The following COL5A3 variants were observed in gnomAD, a reference collection of about 807,000 sequenced individuals.
The protein encoded by COL5A3 is collagen alpha-3(V) chain.
COL5A3 carries 172 observed loss-of-function variants against 250.0 expected under a neutral mutation model. The ratio of observed to expected loss-of-function variants is 0.69; its 90% CI spans 0.61 to 0.78. The LOEUF is 0.78. COL5A3 is among the 30% of genes least tolerant of loss of function. The probability of loss-of-function intolerance (pLI) is 0.00; values close to 1 mark genes in which losing one functional copy is unlikely to be tolerated. For missense variants in COL5A3, 2,340 were observed against 2,334.4 expected (o/e 1.00, Z -0.05); for synonymous variants, 937 against 900.4 (o/e 1.04, Z -0.73).
intron 24 of COL5A3, 89 bp downstream of exon 24, chr19:9,991,521 C>CA: frequency 1.8e-6 from 2 of 1,099,228 alleles, no homozygotes; most frequent in South Asian, 3.0e-5. Context: ...CCAGAGCTAA[C>CA]AGAGGGGTCT....
intron 53 of COL5A3, 119 bp downstream of exon 53, chr19:9,970,856 G>T: frequency 1.8e-6 from 2 of 1,101,164 alleles, no homozygotes; most frequent in Non-Finnish European, 2.5e-6. Context: ...GAGGTGAAGC[G>T]GGAGCATCTG....
Position 9,973,041 on chromosome 19 carries a change from G to A in COL5A3, c.3667-15C>T. The A allele has an allele frequency of 6.3e-7, 1 of 1,587,872 alleles. No homozygotes were observed. On this transcript the variant is annotated splice_polypyrimidine_tract_variant and intron_variant, in intron 50 of 66. Coordinates refer to ENST00000264828, the MANE Select transcript of COL5A3 (RefSeq NM_015719.4). ...CCCTTGGGCCCCTTTACAGAAAGAG[G>A]TCAGAGGTCAGAGTGGCCTGGACTC...
chr19:9,993,651 G>A lies in COL5A3; in HGVS notation c.1663C>T (p.Leu555Phe), dbSNP rs1402384114. ...GPKGDRGFDG[L>F]PGLPGEKGQR... ...CCCTTCTCACCAGGCAGCCCAGGGA[G>A]GCCATCGAAGCCACGATCACCCTGT... The change falls in exon 18 of 67, where the codon CTC (leucine) becomes TTC (phenylalanine). Residue 555 changes from leucine (L) to phenylalanine (F), a missense_variant. Physicochemically the swap from Leu to Phe is conservative, Grantham distance 22. Coordinates refer to ENST00000264828, the MANE Select transcript of COL5A3 (RefSeq NM_015719.4). The A allele has an allele frequency of 1.9e-6, 3 of 1,613,990 alleles. No homozygotes were observed. The highest frequency in any genetic ancestry group is 2.7e-5 in the African/African-American group (2 of 74,884).
chr19:9,986,034 T>G, intron 30 of COL5A3, 139 bp from the exon 31 acceptor site: 2 of 771,780 alleles, frequency 2.6e-6, no homozygotes, highest in African/African-American at 1.7e-5. Context: ...TGCTCCTGCC[T>G]GCTAGGGGCA....
In COL5A3 at chr19:9,972,899, C is replaced by CT; in HGVS notation, c.3774+19_3774+20insA. The CT allele has an allele frequency of 6.4e-7, 1 of 1,550,408 alleles. No individual in the cohort carries two copies. Among genetic ancestry groups the CT allele is most frequent in the South Asian group, 1.2e-5 (1 of 83,188 alleles). On this transcript the variant is annotated intron_variant, in intron 51 of 66. Transcript: ENST00000264828. ...AAGTGCCCCCTCCCATGTCTGCCCC[C>CT]ACTTCCCCCCAGGACTCACCACGCT...
chr19:9,998,080 C>T (rs776892764), intron 9 of COL5A3, 22 bp downstream of exon 9: 1 of 1,614,024 alleles, frequency 6.2e-7, no homozygotes, highest in Admixed American at 1.7e-5. Flanking sequence ...CTCTCAACCC[C>T]CTCACAATCC....
At chr19:9,985,523 G>A (rs575372929) in intron 31 of COL5A3, among the ~76,000 whole-genome samples, 1 of 152,080 alleles carries the variant, frequency 6.6e-6, no homozygotes, top group East Asian at 1.9e-4. Context: ...GCCGCCCAAA[G>A]TGTTGGGATT....
Position 9,993,889 on chromosome 19 carries a change from A to C in COL5A3, c.1588-83T>G. 4.7e-6 allele frequency: 6 copies of C among 1,277,232 alleles called. No individual in the cohort carries two copies. The South Asian group carries it at 5.1e-5, about 11-fold the overall frequency. 79.1% of individuals were successfully genotyped at this position (1,277,232 alleles called of 1,614,324 possible). A position where few individuals can be genotyped will look rare whatever the true frequency, so the allele number is the denominator to read the frequency against. Reference sequence around the variant, plus strand: ...AATTAGGAACCCAACTTCATCATCAACATCAAGATTTTTTTTTTGACAGGG... The same window carrying C: ...AATTAGGAACCCAACTTCATCATCACCATCAAGATTTTTTTTTTGACAGGG... On this transcript the variant is annotated intron_variant, in intron 16 of 66. Coordinates refer to ENST00000264828, the MANE Select transcript of COL5A3 (RefSeq NM_015719.4).
chr19:9,982,857 GTTTGT>G (rs1259852901), intron 31 of COL5A3, among the ~76,000 whole-genome samples: 4 of 151,886 alleles, frequency 2.6e-5, no homozygotes, highest in African/African-American at 7.3e-5. Context: ...CTCTTTTTTT[GTTTGT>G]TTTATTTTTA....
At chr19:9,977,910 C>T (rs1276179407) in intron 41 of COL5A3, among the ~76,000 whole-genome samples, 2 of 147,628 alleles carry the variant, frequency 1.4e-5, no homozygotes, top group East Asian at 4.0e-4. Flanking sequence ...TCCCATCTCA[C>T]TTAGAACAAA....
intron 31 of COL5A3, among the ~76,000 whole-genome samples, chr19:9,983,692 GGAAA>G (rs1166270803): frequency 7.1e-6 from 1 of 140,518 alleles, no homozygotes; most frequent in Non-Finnish European, 1.6e-5. Context: ...AAAGAAAGAA[GGAAA>G]GAAAGAGAAA....
rs1243920275 is a variant in COL5A3 at position 9,972,996 on chromosome 19, C to T, written c.3697G>A (p.Asp1233Asn). 6.2e-7 allele frequency: 1 copy of T among 1,610,618 alleles called. No homozygotes were observed. Among genetic ancestry groups the T allele is most frequent in the Non-Finnish European group, 8.5e-7 (1 of 1,178,552 alleles). Reference protein sequence around the residue: ...GPKGDIGEKGDSGPSGAAGPP... With the variant: ...GPKGDIGEKGNSGPSGAAGPP... ...CCAGCAGCTCCAGATGGGCCTGAGTCCCCCTTTTCACCAATGTCTCCCTTG... is the reference window on the plus strand; with the variant it reads ...CCAGCAGCTCCAGATGGGCCTGAGTTCCCCTTTTCACCAATGTCTCCCTTG... Residue 1233 changes from aspartate to asparagine, a missense_variant, in exon 51 of 67, where the codon GAC (aspartate) becomes AAC (asparagine). By Grantham distance (23) the Asp-to-Asn change is conservative. This residue lies in a region of COL5A3 where 1,179 missense variants were observed against 1,162.6 expected (regional missense o/e 1.01). Coordinates refer to ENST00000264828, the MANE Select transcript of COL5A3 (RefSeq NM_015719.4).
intron 22 of COL5A3, 33 bp downstream of exon 22, chr19:9,991,971 A>AGG: frequency 6.3e-7 from 1 of 1,599,904 alleles, no homozygotes; most frequent in Non-Finnish European, 8.6e-7. Flanking sequence ...GAGTGTCAGA[A>AGG]GGGTCAGAGG....
At chr19:9,969,462 C>T (rs369978422) in intron 56 of COL5A3, 60 bp from the exon 57 acceptor site, 1 of 1,594,068 alleles carries the variant, frequency 6.3e-7, no homozygotes, top group African/African-American at 1.4e-5. Flanking sequence ...TGTGGACCCC[C>T]CCCCGACCAT....
chr19:9,967,236 T>C (rs992542896), intron 62 of COL5A3, 111 bp downstream of exon 62: 1 of 714,264 alleles, frequency 1.4e-6, no homozygotes, highest in Non-Finnish European at 2.1e-6. Context: ...ACACCTAGTG[T>C]GTGCCTGGCC....
rs1286026695 is a variant in COL5A3, at chr19:9,960,867, C to A, written c.4875G>T (p.Gly1625=). The stretch of plus-strand genomic sequence containing the variant: ...TCAGCTGCACGACATTCACTGGGGA[C>A]CCGTCGGCGTCCACGTAGGAGAACT... ...GKKFSYVDAD[G]SPVNVVQLNF... is the part of the protein sequence containing the mutation. Residue 1625 remains glycine (G), a synonymous_variant, in exon 66 of 67, where the codon GGG becomes GGT. Coordinates refer to ENST00000264828, the MANE Select transcript of COL5A3 (RefSeq NM_015719.4). The A allele has an allele frequency of 4.4e-6, 7 of 1,608,100 alleles. No homozygotes were observed. Among genetic ancestry groups the A allele is most frequent in the Non-Finnish European group, 5.9e-6 (7 of 1,180,008 alleles).
intron 8 of COL5A3, among the ~76,000 whole-genome samples, chr19:9,998,427 TA>T (rs2087305012): frequency 6.6e-6 from 1 of 152,188 alleles, no homozygotes; most frequent in African/African-American, 2.4e-5. Flanking sequence ...CTGAGTGATC[TA>T]ACTAAGTTGG....
chr19:10,000,364 G>C (rs1016863773), intron 8 of COL5A3, among the ~76,000 whole-genome samples: 14 of 150,576 alleles, frequency 9.3e-5, no homozygotes, highest in African/African-American at 2.4e-4. Context: ...TCTTCCTCCA[G>C]GTCACGTCCC....
chr19:9,970,785 C>T (rs1052876120), intron 53 of COL5A3, 110 bp from the exon 54 acceptor site: 3 of 1,045,960 alleles, frequency 2.9e-6, no homozygotes, highest in Non-Finnish European at 4.0e-6. Flanking sequence ...CACCCCAGCA[C>T]CGGGTACTCC....
Sources: gnomAD v4.1 joint callset for allele counts (sites outside exome capture counted in the v4.1 genomes callset) on GRCh38, gnomAD v4.1.1 for gene constraint, gnomAD v4.1.1 regional missense constraint, MANE v1.5 for transcripts, NCBI Gene and HGNC (gene_info 2026-07-23, HGNC 2026-07-21) for gene names.